Variants in CYP7B1 observed in about 807,000 individuals in gnomAD.
CYP7B1 encodes cytochrome P450 7B1.
In CYP7B1, 29 loss-of-function variants were observed where a neutral mutation model predicts 42.7. The ratio of observed to expected loss-of-function variants is 0.68; its 90% confidence interval spans 0.51 to 0.93. CYP7B1 has a LOEUF of 0.93. Ranked by LOEUF, CYP7B1 falls within the 40% of genes least tolerant of loss-of-function variation. The probability of loss-of-function intolerance (pLI) is 0.00; values close to 1 mark genes in which losing one functional copy is unlikely to be tolerated. For missense variants in CYP7B1, 655 were observed against 600.5 expected (o/e 1.09, Z -0.95); for synonymous variants, 235 against 218.2 (o/e 1.08, Z -0.68).
At chr8:64,675,882 T>C (rs1239564839) in intron 1 of CYP7B1, among the ~76,000 whole-genome samples, 5 of 152,136 alleles carry the variant, frequency 3.3e-5, no homozygotes, top group Admixed American at 2.6e-4. Flanking sequence ...TAGAGGTCTA[T>C]GATATTCTGC....
At chr8:64,599,333 C>A (rs936261206) in intron 5 of CYP7B1, among the ~76,000 whole-genome samples, 2 of 151,998 alleles carry the variant, frequency 1.3e-5, no homozygotes, top group African/African-American at 2.4e-5. Flanking sequence ...GGACTACAGG[C>A]GCCCACCACC....
intron 4 of CYP7B1, among the ~76,000 whole-genome samples, chr8:64,614,115 G>A (rs1357642197): frequency 1.3e-5 from 2 of 152,152 alleles, no homozygotes; most frequent in African/African-American, 4.8e-5. Context: ...AGAGAGAATA[G>A]AGAATAACTC....
At chr8:64,677,121 A>G (rs1340981335) in intron 1 of CYP7B1, among the ~76,000 whole-genome samples, 1 of 152,106 alleles carries the variant, frequency 6.6e-6, no homozygotes, top group African/African-American at 2.4e-5. Flanking sequence ...TAAGCTTGTT[A>G]TAAGCCTAAT....
intron 1 of CYP7B1, among the ~76,000 whole-genome samples, chr8:64,775,415 A>G (rs767322449): frequency 2.0e-5 from 3 of 152,170 alleles, no homozygotes; most frequent in Non-Finnish European, 4.4e-5. Flanking sequence ...GGAACTAATA[A>G]TGACTATAAA....
chr8:64,789,208 A>G (rs556450021), intron 1 of CYP7B1, among the ~76,000 whole-genome samples: 2 of 152,288 alleles, frequency 1.3e-5, no homozygotes, highest in East Asian at 3.9e-4. Context: ...GATTACAGGC[A>G]TGAGCCACTG....
chr8:64,754,161 C>G (rs1807772919), intron 1 of CYP7B1, among the ~76,000 whole-genome samples: 1 of 152,172 alleles, frequency 6.6e-6, no homozygotes, highest in Non-Finnish European at 1.5e-5. Context: ...GAGGAGGCTT[C>G]TGTGTGGGCC....
chr8:64,787,773 A>G (rs1804552030), intron 1 of CYP7B1, among the ~76,000 whole-genome samples: 1 of 152,180 alleles, frequency 6.6e-6, no homozygotes, highest in Non-Finnish European at 1.5e-5. Flanking sequence ...CACTGCTATT[A>G]AGACATACCC....
intron 1 of CYP7B1, among the ~76,000 whole-genome samples, chr8:64,753,964 T>C (rs1057217016): frequency 4.0e-5 from 6 of 149,350 alleles, no homozygotes; most frequent in African/African-American, 1.5e-4. Flanking sequence ...GCAACAAAGA[T>C]GCCAGTGTGG....
chr8:64,658,965 G>A (rs916122091), intron 1 of CYP7B1, among the ~76,000 whole-genome samples: 20 of 152,282 alleles, frequency 1.3e-4, no homozygotes, highest in African/African-American at 4.8e-4. Flanking sequence ...ACATGTGCAG[G>A]AACTAATCTG....
intron 1 of CYP7B1, among the ~76,000 whole-genome samples, chr8:64,737,703 G>A (rs949875199): frequency 2.0e-5 from 3 of 152,152 alleles, no homozygotes; most frequent in East Asian, 3.8e-4. Context: ...TTGGATCCTG[G>A]AATGAAAGGA....
At chr8:64,697,649 G>T (rs530131001) in intron 1 of CYP7B1, among the ~76,000 whole-genome samples, 21 of 152,330 alleles carry the variant, frequency 1.4e-4, no homozygotes, top group Middle Eastern at 3.4e-3. Context: ...CGCCACTGCT[G>T]CCAGGGAGAA....
At chr8:64,716,572 TG>T (rs1807157743) in intron 1 of CYP7B1, among the ~76,000 whole-genome samples, 1 of 152,064 alleles carries the variant, frequency 6.6e-6, no homozygotes, top group Admixed American at 6.6e-5. Context: ...CCAGGCGTGG[TG>T]GTAGGCACCT....
chr8:64,756,913 G>A (rs1296826862), intron 1 of CYP7B1, among the ~76,000 whole-genome samples: 1 of 152,112 alleles, frequency 6.6e-6, no homozygotes, highest in South Asian at 2.1e-4. Context: ...TTACCCAGAC[G>A]GTTTAAAGAT....
At chr8:64,590,112 C>T (rs1210077373), downstream of CYP7B1, among the ~76,000 whole-genome samples, 1 of 152,148 alleles carries the variant, frequency 6.6e-6, no homozygotes, top group Non-Finnish European at 1.5e-5. Flanking sequence ...AAGTTGAAAA[C>T]AAAAGATAAT....
intron 1 of CYP7B1, among the ~76,000 whole-genome samples, chr8:64,695,326 C>T (rs552256031): frequency 6.6e-6 from 1 of 152,220 alleles, no homozygotes; most frequent in African/African-American, 2.4e-5. Context: ...AGGTTAGGGG[C>T]GATGTACATC....
At chr8:64,670,421 C>T (rs1806348916) in intron 1 of CYP7B1, among the ~76,000 whole-genome samples, 1 of 152,046 alleles carries the variant, frequency 6.6e-6, no homozygotes, top group Non-Finnish European at 1.5e-5. Flanking sequence ...AAAAGATAGG[C>T]TTCTGCCATT....
chr8:64,669,637 A>G (rs1272818165), intron 1 of CYP7B1, among the ~76,000 whole-genome samples: 2 of 152,020 alleles, frequency 1.3e-5, no homozygotes, highest in East Asian at 3.9e-4. Flanking sequence ...GCAGCAACAG[A>G]CATCATTTCG....
At chr8:64,648,158 A>G in intron 1 of CYP7B1, among the ~76,000 whole-genome samples, 1 of 152,234 alleles carries the variant, frequency 6.6e-6, no homozygotes, top group East Asian at 1.9e-4. Flanking sequence ...ATAAAAAGTT[A>G]GTGGTACACT....
intron 1 of CYP7B1, among the ~76,000 whole-genome samples, chr8:64,639,765 A>G (rs1053358172): frequency 2.6e-4 from 39 of 152,168 alleles, no homozygotes; most frequent in Non-Finnish European, 1.5e-5. Flanking sequence ...AATTATCTCT[A>G]CCCAAGAGAA....
Sources: allele counts gnomAD v4.1 joint callset (sites outside exome capture counted in the v4.1 genomes callset), GRCh38; gene constraint gnomAD v4.1.1; transcripts MANE v1.5; gene names NCBI Gene and HGNC (gene_info 2026-07-23, HGNC 2026-07-21).